CDC42BPB: variants seen among roughly 807,000 people sequenced by gnomAD.
CDC42BPB encodes the protein CDC42 binding protein kinase beta, also known as serine/threonine-protein kinase MRCK beta.
In CDC42BPB, 37 loss-of-function variants were observed where a neutral mutation model predicts 214.9. That is an observed-to-expected ratio of 0.17 (90% CI 0.13 to 0.23). The LOEUF (loss-of-function observed/expected upper bound fraction) is 0.23. Among genes scored for constraint, CDC42BPB ranks in the 10% least tolerant of loss-of-function variants. The pLI is 1.00. For missense variants in CDC42BPB, 1,694 were observed against 2,227.0 expected, an observed-to-expected ratio of 0.76 and a Z score of 4.82; for synonymous variants, 931 against 884.0, an observed-to-expected ratio of 1.05 and a Z score of -0.94.
rs35399905 is a variant in CDC42BPB, at chr14:102,996,349, AAGAG to A, written c.596+3212_596+3215del. ...AGCAAGACTCCGTCTCAAAAAAGAA[AAGAG>A]AGAGAGAATGAGGAGAACGCTTTCT... On this transcript the variant is annotated intron_variant, in intron 5 of 36. Transcript: ENST00000361246. Among the ~76,000 whole-genome samples the A allele has an allele frequency of 5.9e-5, 9 of 152,262 alleles. No homozygotes were observed. In the East Asian group the frequency reaches 1.7e-3, roughly 29 times the overall value.
At chr14:103,008,330 T>C in intron 3 of CDC42BPB, 142 bp downstream of exon 3, 1 of 620,864 alleles carries the variant, frequency 1.6e-6, no homozygotes, top group South Asian at 2.0e-5. Flanking sequence ...TGAGACCTCC[T>C]CAAAAGAGAG....
At chr14:103,056,914 G>C in intron 1 of CDC42BPB, 85 bp downstream of exon 1, 5 of 998,538 alleles carry the variant, frequency 5.0e-6, no homozygotes, top group Non-Finnish European at 6.8e-6. Flanking sequence ...GTCTGTCCGG[G>C]CGGGGATGGG....
intron 1 of CDC42BPB, among the ~76,000 whole-genome samples, chr14:103,032,545 A>C (rs1887443068): frequency 6.6e-6 from 1 of 151,182 alleles, no homozygotes; most frequent in South Asian, 2.1e-4. Flanking sequence ...CAAAAAAAAA[A>C]AAAAAAAAAA....
chr14:102,941,846 C>T (rs1026100083), intron 30 of CDC42BPB, among the ~76,000 whole-genome samples: 4 of 152,212 alleles, frequency 2.6e-5, no homozygotes, highest in Admixed American at 6.5e-5. Flanking sequence ...GCCACCCACA[C>T]AGGGCACTAG....
chr14:103,013,903 C>T (rs1340492777), intron 1 of CDC42BPB, among the ~76,000 whole-genome samples: 1 of 152,204 alleles, frequency 6.6e-6, no homozygotes, highest in African/African-American at 2.4e-5. Context: ...CAGTGGCTCA[C>T]ACCTGTAATC....
At chr14:102,945,775 A>G in intron 28 of CDC42BPB, 51 bp from the exon 29 acceptor site, 5 of 1,551,962 alleles carry the variant, frequency 3.2e-6, no homozygotes, top group Non-Finnish European at 4.4e-6. Flanking sequence ...GACCGTGAAC[A>G]ATATGGGTTT....
intron 1 of CDC42BPB, among the ~76,000 whole-genome samples, chr14:103,052,061 C>CA (rs1373665468): frequency 2.0e-5 from 3 of 152,046 alleles, no homozygotes; most frequent in Non-Finnish European, 2.9e-5. Flanking sequence ...AGGCTGGTCT[C>CA]AAACTCCTGA....
chr14:102,958,758 C>T (rs1434475616), intron 21 of CDC42BPB, among the ~76,000 whole-genome samples: 1 of 152,168 alleles, frequency 6.6e-6, no homozygotes, highest in African/African-American at 2.4e-5. Context: ...CCATCAACCA[C>T]CTTTCCCATC....
chr14:103,057,185 G>T lies in CDC42BPB; in HGVS notation c.-12C>A, dbSNP rs1183061857. On this transcript the variant is annotated 5_prime_UTR_variant, in exon 1 of 37. Coordinates refer to ENST00000361246, the MANE Select transcript of CDC42BPB (RefSeq NM_006035.4). ...ACCTTGGCCGACATGGTGCCGCGCG[G>T]CCCGCTCCCGACGCGCCGGCCTCTC... 2.9e-6 allele frequency: 4 copies of T among 1,388,540 alleles called. No individual in the cohort carries two copies. Among genetic ancestry groups the T allele is most frequent in the Non-Finnish European group, 3.8e-6 (4 of 1,065,256 alleles). The allele number at this position is 1,388,540 out of a possible 1,614,324, so 86.0% of individuals were successfully genotyped here.
intron 1 of CDC42BPB, among the ~76,000 whole-genome samples, chr14:103,035,245 C>T (rs1377097569): frequency 1.3e-5 from 2 of 152,048 alleles, no homozygotes; most frequent in East Asian, 1.9e-4. Context: ...TTAGTAGAGA[C>T]GGGGTTTCTC....
chr14:103,019,365 T>C lies in CDC42BPB; in HGVS notation c.176-7177A>G, dbSNP rs947258004. On this transcript the variant is annotated intron_variant, in intron 1 of 36. Transcript: ENST00000361246. ...AGGCTACTGTCCACCACGCCTTGCATTGCCCACACCATCACCCACAGCGTC... is the reference window on the plus strand; with the variant it reads ...AGGCTACTGTCCACCACGCCTTGCACTGCCCACACCATCACCCACAGCGTC... Among the ~76,000 whole-genome samples the C allele has an allele frequency of 9.8e-5, 15 of 152,286 alleles. 1 individual carries two copies. The highest frequency in any genetic ancestry group is 3.3e-4 in the Admixed American group (5 of 15,292).
intron 1 of CDC42BPB, among the ~76,000 whole-genome samples, chr14:103,037,297 TTTTC>T (rs1887716795): frequency 6.6e-6 from 1 of 152,060 alleles, no homozygotes; most frequent in Admixed American, 6.6e-5. Flanking sequence ...ATGAGCACGC[TTTTC>T]TTTTTCTTTT....
intron 2 of CDC42BPB, among the ~76,000 whole-genome samples, chr14:103,011,215 G>A (rs2139638553): frequency 6.6e-6 from 1 of 152,314 alleles, no homozygotes; most frequent in South Asian, 2.1e-4. Context: ...GGGCCTCCTG[G>A]GGCAGGGCTC....
At chr14:102,988,040 GAA>G (rs1437306716) in intron 5 of CDC42BPB, among the ~76,000 whole-genome samples, 3 of 151,986 alleles carry the variant, frequency 2.0e-5, no homozygotes, top group Admixed American at 6.6e-5. Flanking sequence ...ATGCAGAAAA[GAA>G]GAGCTGATTT....
intron 5 of CDC42BPB, among the ~76,000 whole-genome samples, chr14:102,991,488 G>C (rs936730049): frequency 3.9e-5 from 6 of 152,250 alleles, no homozygotes; most frequent in African/African-American, 2.4e-5. Context: ...TTCTGTACTG[G>C]AGGGAAGAAA....
At chr14:102,946,751 G>A (rs1406156877) in intron 27 of CDC42BPB, 67 bp from the exon 28 acceptor site, 14 of 1,573,876 alleles carry the variant, frequency 8.9e-6, no homozygotes, top group East Asian at 2.2e-5. Context: ...CAGCTACCAC[G>A]GCCCTGCTGG....
intron 8 of CDC42BPB, among the ~76,000 whole-genome samples, chr14:102,980,291 G>C (rs1480495005): frequency 6.6e-6 from 1 of 152,308 alleles, no homozygotes; most frequent in Middle Eastern, 3.4e-3. Flanking sequence ...TCAGGAGATC[G>C]AGACTATCCT....
intron 7 of CDC42BPB, among the ~76,000 whole-genome samples, chr14:102,982,250 G>A (rs1164086647): frequency 3.3e-5 from 5 of 152,192 alleles, no homozygotes; most frequent in Non-Finnish European, 5.9e-5. Flanking sequence ...TGGGAAAAAC[G>A]TTTTTTAAAA....
rs764780655 is a variant in CDC42BPB, at chr14:102,999,630, C to T, written c.531G>A (p.Ala177=). The part of the protein sequence containing the change: ...KFEDKLPEDM[A]RFYIGEMVLA... ...GCACCATTTCACCAATGTAGAACCT[C>T]GCCATATCTTCCGGAAGCTTGTCTT... The change falls in exon 5 of 37, where the codon GCG becomes GCA. Residue 177 remains alanine (A), a synonymous_variant. Transcript: ENST00000361246. 3.1e-6 allele frequency: 5 copies of T among 1,614,064 alleles called. No homozygotes were observed. The highest frequency in any genetic ancestry group is 1.7e-5 in the Admixed American group (1 of 60,006).
Sources: gnomAD v4.1 joint callset for allele counts (sites outside exome capture counted in the v4.1 genomes callset) on GRCh38, gnomAD v4.1.1 for gene constraint, MANE v1.5 for transcripts, NCBI Gene and HGNC (gene_info 2026-07-23, HGNC 2026-07-21) for gene names.